The following COBLL1 variants were observed in gnomAD, a reference collection of about 807,000 sequenced individuals.
The protein encoded by COBLL1 is cordon-bleu protein-like 1.
A neutral mutation model predicts 94.8 loss-of-function variants in COBLL1; 50 were observed. The observed-to-expected ratio is 0.53, with a 90% CI of 0.42 to 0.67. The LOEUF (loss-of-function observed/expected upper bound fraction) is 0.67. Among genes scored for constraint, COBLL1 ranks in the 30% least tolerant of loss-of-function variants. The pLI, the probability that COBLL1 is intolerant of heterozygous loss-of-function variation, is 0.00. For synonymous variants in COBLL1, 448 were observed against 473.8 expected, an observed-to-expected ratio of 0.95 and a Z score of 0.71; for missense variants, 1,362 against 1,348.7, an observed-to-expected ratio of 1.01 and a Z score of -0.15.
chr2:164,713,758 G>T (rs893663407), intron 7 of COBLL1, among the ~76,000 whole-genome samples: 18 of 152,200 alleles, frequency 1.2e-4, no homozygotes, highest in African/African-American at 4.1e-4. Flanking sequence ...TCAGGAGTTT[G>T]GGAAGAAAGA....
chr2:164,677,045 A>G (rs1229926304), downstream of COBLL1, among the ~76,000 whole-genome samples: 4 of 152,094 alleles, frequency 2.6e-5, no homozygotes, highest in African/African-American at 9.7e-5. Context: ...TCCCTCTCAC[A>G]GGTAACCAAT....
At chr2:164,773,570 T>C (rs939690588) in intron 2 of COBLL1, 1 of 239,364 alleles carries the variant, frequency 4.2e-6, no homozygotes, top group Non-Finnish European at 8.3e-6. Context: ...AAAATGCTGA[T>C]GGAGAAAAAG....
intron 3 of COBLL1, among the ~76,000 whole-genome samples, chr2:164,741,079 C>G (rs994553169): frequency 6.6e-6 from 1 of 152,040 alleles, no homozygotes; most frequent in Non-Finnish European, 1.5e-5. Flanking sequence ...AGTTCGAGAC[C>G]AGCCTGGCCA....
At chr2:164,742,924 G>A (rs1178905638) in intron 3 of COBLL1, among the ~76,000 whole-genome samples, 2 of 152,064 alleles carry the variant, frequency 1.3e-5, no homozygotes, top group African/African-American at 4.8e-5. Context: ...CAGGATTCCT[G>A]ATAACAAATA....
intron 10 of COBLL1, 65 bp from the exon 11 acceptor site, chr2:164,699,564 CAG>C: frequency 7.2e-6 from 6 of 837,392 alleles, no homozygotes; most frequent in African/African-American, 3.3e-5. Context: ...CACACACACA[CAG>C]ACACACACAC....
intron 2 of COBLL1, among the ~76,000 whole-genome samples, chr2:164,772,845 G>A (rs960493649): frequency 1.6e-4 from 24 of 152,014 alleles, no homozygotes; most frequent in African/African-American, 5.8e-4. Context: ...AGCACACACA[G>A]AAAGTACAGT....
At chr2:164,663,957 A>T (rs2105383487) in intron 2 of COBLL1, among the ~76,000 whole-genome samples, 1 of 152,362 alleles carries the variant, frequency 6.6e-6, no homozygotes, top group South Asian at 2.1e-4. Context: ...GAAATTAAAA[A>T]TAAATGAAAA....
chr2:164,839,587 G>A (rs1406943203), intron 2 of COBLL1, among the ~76,000 whole-genome samples: 2 of 152,148 alleles, frequency 1.3e-5, no homozygotes, highest in Admixed American at 1.3e-4. Context: ...GGTGTATTTT[G>A]TGAAAGCAGG....
At chr2:164,778,364 T>C (rs1385552934) in intron 2 of COBLL1, among the ~76,000 whole-genome samples, 2 of 152,158 alleles carry the variant, frequency 1.3e-5, no homozygotes, top group Non-Finnish European at 2.9e-5. Flanking sequence ...CCCAACACTT[T>C]GGGAGGCCGG....
chr2:164,794,534 A>T (rs941629679), intron 2 of COBLL1, among the ~76,000 whole-genome samples: 3 of 152,016 alleles, frequency 2.0e-5, no homozygotes, highest in Non-Finnish European at 4.4e-5. Context: ...CACACCTCTG[A>T]AGAGTCATAT....
At chr2:164,666,595 T>C (rs931687180) in intron 1 of COBLL1, among the ~76,000 whole-genome samples, 3 of 152,214 alleles carry the variant, frequency 2.0e-5, no homozygotes, top group African/African-American at 7.2e-5. Context: ...TTTGATAACA[T>C]TTTACCCACA....
chr2:164,805,337 C>CTCTCTCTATATA (rs758137553), intron 2 of COBLL1, among the ~76,000 whole-genome samples: 6 of 17,042 alleles, frequency 3.5e-4, no homozygotes, highest in Non-Finnish European at 6.3e-4. Flanking sequence ...CTCTCTCTCT[C>CTCTCTCTATATA]TATATATATA....
intron 3 of COBLL1, among the ~76,000 whole-genome samples, chr2:164,731,315 A>C (rs1398189612): frequency 1.3e-5 from 2 of 152,252 alleles, no homozygotes; most frequent in Non-Finnish European, 2.9e-5. Context: ...ATGAATGTTT[A>C]ATACTATTGG....
rs571278977 is a variant in COBLL1 at position 164,710,334 on chromosome 2, G to A, written c.997-5229C>T. On this transcript the variant is annotated intron_variant, in intron 7 of 13. Coordinates refer to ENST00000652658, the MANE Select transcript of COBLL1 (RefSeq NM_001365672.2). ...CTTCGATATTTCTAAATAGACTGTA[G>A]CCAGGAAAGCACATGTATACACTGG... Among the ~76,000 whole-genome samples, 31 of 152,216 alleles carry A rather than the reference G, an allele frequency of 2.0e-4. 1 individual carries two copies. Among genetic ancestry groups the A allele is most frequent in the African/African-American group, 7.5e-4 (31 of 41,538 alleles).
intron 9 of COBLL1, among the ~76,000 whole-genome samples, chr2:164,702,379 T>C (rs1161914060): frequency 1.1e-4 from 16 of 151,468 alleles, no homozygotes; most frequent in East Asian, 7.8e-4. Context: ...CTGGCCAACA[T>C]AGTGAAACCC....
chr2:164,668,976 C>G (rs754487416), intron 1 of COBLL1, among the ~76,000 whole-genome samples: 11 of 152,218 alleles, frequency 7.2e-5, no homozygotes, highest in Non-Finnish European at 1.5e-5. Context: ...ATTTACAGTA[C>G]ACTTCATAAG....
At chr2:164,763,572 CA>C (rs777598576) in intron 2 of COBLL1, among the ~76,000 whole-genome samples, 34 of 152,034 alleles carry the variant, frequency 2.2e-4, no homozygotes, top group Admixed American at 3.9e-4. Flanking sequence ...AGAAACAAAC[CA>C]AATATCCATG....
At chr2:164,675,753 C>T (rs550103752), downstream of COBLL1, among the ~76,000 whole-genome samples, 1 of 152,146 alleles carries the variant, frequency 6.6e-6, no homozygotes, top group African/African-American at 2.4e-5. Flanking sequence ...TGTTTTATTG[C>T]TTTTCTTTTC....
rs1253037977 is a variant in COBLL1 at position 164,684,242 on chromosome 2, TATC to T, written c.*1701_*1703del. ...TGCTGATATTTCTATTAGGTAGACTTATCATGAGTTGTAGGAACTTTCATATCT... is the reference window on the plus strand; with the variant it reads ...TGCTGATATTTCTATTAGGTAGACTTATGAGTTGTAGGAACTTTCATATCT... On this transcript the variant is annotated 3_prime_UTR_variant, in exon 14 of 14. Transcript: ENST00000652658. 1 of 152,148 alleles carries T rather than the reference TATC, an allele frequency of 6.6e-6. No homozygotes were observed. The highest frequency in any genetic ancestry group is 2.4e-5 in the African/African-American group (1 of 41,448). The allele number at this position is 152,148 out of a possible 1,614,324, so 9.4% of individuals were successfully genotyped here. A position where few individuals can be genotyped will look rare whatever the true frequency, so the allele number is the denominator to read the frequency against.
Sources: allele counts gnomAD v4.1 joint callset (sites outside exome capture counted in the v4.1 genomes callset), GRCh38; gene constraint gnomAD v4.1.1; transcripts MANE v1.5; gene names NCBI Gene and HGNC (gene_info 2026-07-23, HGNC 2026-07-21).